Variants in STK24 observed in about 807,000 individuals in gnomAD.
STK24 encodes serine/threonine-protein kinase 24.
STK24 carries 21 observed loss-of-function variants against 55.6 expected under a neutral mutation model. The observed-to-expected ratio is 0.38, with a 90% CI of 0.27 to 0.54. The LOEUF is 0.54. Ranked by LOEUF, STK24 falls within the 20% of genes least tolerant of loss-of-function variation. The pLI is 0.79. For synonymous variants in STK24, 200 were observed against 215.2 expected (o/e 0.93, Z 0.62); for missense variants, 383 against 538.4 (o/e 0.71, Z 2.86).
At chr13:98,457,437 G>C (rs1893512043) in intron 9 of STK24, 133 bp from the exon 10 acceptor site, 1 of 1,251,454 alleles carries the variant, frequency 8.0e-7, no homozygotes. Flanking sequence ...GAAAAGCTTT[G>C]GCTAGGGCTC....
chr13:98,530,164 T>C (rs929333224), intron 1 of STK24, among the ~76,000 whole-genome samples: 16 of 152,180 alleles, frequency 1.1e-4, no homozygotes, highest in Non-Finnish European at 1.5e-5. Context: ...TGACAGTTTC[T>C]GTCTGTGGCC....
chr13:98,461,553 T>C (rs149117947), intron 8 of STK24, among the ~76,000 whole-genome samples: 4 of 152,218 alleles, frequency 2.6e-5, no homozygotes, highest in African/African-American at 4.8e-5. Context: ...GAGAGCAGAA[T>C]AGAGTGGCAC....
Position 98,446,407 on chromosome 13 carries a change from T to C in STK24, c.*6766A>G. On this transcript the variant is annotated 3_prime_UTR_variant, in exon 11 of 11. Transcript: ENST00000539966. Reference sequence around the variant, plus strand: ...ACATTATCATCCACTGAAGGACAACTTCTGCCCTAGGAAGGGCCACCTGTC... The same window carrying C: ...ACATTATCATCCACTGAAGGACAACCTCTGCCCTAGGAAGGGCCACCTGTC... 1.7e-6 allele frequency: 1 copy of C among 601,580 alleles called. No homozygotes were observed. The allele number at this position is 601,580 out of a possible 1,614,324, so 37.3% of individuals were successfully genotyped here. A position where few individuals can be genotyped will look rare whatever the true frequency, so the allele number is the denominator to read the frequency against.
chr13:98,555,279 AC>A (rs1408650596), intron 1 of STK24, among the ~76,000 whole-genome samples: 1 of 152,020 alleles, frequency 6.6e-6, no homozygotes, highest in Non-Finnish European at 1.5e-5. Context: ...TTGTTGGATA[AC>A]CATGTTTAAA....
chr13:98,466,698 T>TATTAAATATTAAA (rs1419927131), intron 5 of STK24, 137 bp from the exon 6 acceptor site: 2 of 967,694 alleles, frequency 2.1e-6, no homozygotes, highest in Non-Finnish European at 2.9e-6. Flanking sequence ...TTTAAAAACA[T>TATTAAATATTAAA]AAGCCCTCGC....
intron 2 of STK24, among the ~76,000 whole-genome samples, chr13:98,488,042 T>C (rs1487445837): frequency 4.6e-5 from 7 of 152,100 alleles, no homozygotes; most frequent in Admixed American, 3.9e-4. Flanking sequence ...GATTCACATG[T>C]TGGAGTCCCA....
At chr13:98,453,937 C>CT in intron 10 of STK24, 1 of 152,300 alleles carries the variant, frequency 6.6e-6, no homozygotes, top group Middle Eastern at 3.4e-3. Context: ...CCGCATTATA[C>CT]TTACCAGTGT....
rs1396707133 is a variant in STK24 at position 98,449,135 on chromosome 13, CGT to C, written c.*4036_*4037del. ...TGTCTGTGTCACAAGCATGAAAACC[CGT>C]GTGTCATTGATCAGCACCATTTGTG... On this transcript the variant is annotated 3_prime_UTR_variant, in exon 11 of 11. Transcript: ENST00000539966. 1 of 152,174 alleles carries C rather than the reference CGT, an allele frequency of 6.6e-6. No homozygotes were observed. The highest frequency in any genetic ancestry group is 1.5e-5 in the Non-Finnish European group (1 of 68,050). The allele number at this position is 152,174 out of a possible 1,614,324, so 9.4% of individuals were successfully genotyped here.
intron 1 of STK24, among the ~76,000 whole-genome samples, chr13:98,561,450 C>T (rs895189115): frequency 6.6e-6 from 1 of 151,918 alleles, no homozygotes; most frequent in Non-Finnish European, 1.5e-5. Flanking sequence ...GGTCGTGAGG[C>T]ACACACCTGT....
At chr13:98,462,705 C>T (rs1435509748) in intron 7 of STK24, among the ~76,000 whole-genome samples, 1 of 152,170 alleles carries the variant, frequency 6.6e-6, no homozygotes, top group Non-Finnish European at 1.5e-5. Context: ...AGCTTTCTCA[C>T]CTGAACTCCA....
At chr13:98,497,316 C>T (rs570248753) in intron 2 of STK24, among the ~76,000 whole-genome samples, 34 of 152,268 alleles carry the variant, frequency 2.2e-4, no homozygotes, top group African/African-American at 7.0e-4. Context: ...GGACTAACCA[C>T]GTATGTTAGG....
chr13:98,514,124 T>A (rs544007574), intron 2 of STK24, among the ~76,000 whole-genome samples: 1 of 151,696 alleles, frequency 6.6e-6, no homozygotes, highest in African/African-American at 2.4e-5. Flanking sequence ...CAGATAGGCA[T>A]AGTAAGTAGG....
intron 1 of STK24, among the ~76,000 whole-genome samples, chr13:98,540,763 CAAAAA>C (rs35957882): frequency 1.4e-4 from 8 of 58,866 alleles, no homozygotes; most frequent in African/African-American, 5.1e-4. Context: ...ATATTAAAAG[CAAAAA>C]AAAAAAAAAA....
intron 10 of STK24, chr13:98,453,819 T>C (rs1007756426): frequency 5.9e-5 from 5 of 84,424 alleles, no homozygotes; most frequent in African/African-American, 2.0e-4. Flanking sequence ...TATTTACATA[T>C]ATATATTAAA....
chr13:98,532,216 C>A (rs1197504672), intron 1 of STK24, among the ~76,000 whole-genome samples: 2 of 152,106 alleles, frequency 1.3e-5, no homozygotes, highest in African/African-American at 4.8e-5. Context: ...TCACACTCAC[C>A]TTTCTACACC....
At chr13:98,511,113 C>T (rs1184693291) in intron 2 of STK24, among the ~76,000 whole-genome samples, 6 of 152,218 alleles carry the variant, frequency 3.9e-5, no homozygotes, top group Admixed American at 3.9e-4. Context: ...ATCCTCCCAC[C>T]TCGGCTTTCC....
intron 1 of STK24, among the ~76,000 whole-genome samples, chr13:98,565,189 A>T (rs1239380634): frequency 1.3e-5 from 2 of 152,068 alleles, no homozygotes; most frequent in African/African-American, 2.4e-5. Context: ...TCAAAGTGTC[A>T]TCCTCGAGGC....
In STK24 at chr13:98,536,911, C is replaced by T. The variant is rs1006255004; in HGVS notation, c.43-17438G>A. ...CCAGCCACACTCCTCCGCCTGTCCTCCAGTCGCCCAGTGAAAGGGAGGGGG... is the reference window on the plus strand; with the variant it reads ...CCAGCCACACTCCTCCGCCTGTCCTTCAGTCGCCCAGTGAAAGGGAGGGGG... On this transcript the variant is annotated intron_variant, in intron 1 of 10. Transcript: ENST00000539966. 7.2e-5 allele frequency among the ~76,000 whole-genome samples: 11 copies of T among 152,266 alleles called. No homozygotes were observed. In the Middle Eastern group the frequency reaches 0.01, roughly 141 times the overall value.
chr13:98,569,424 A>C lies in STK24; in HGVS notation c.42+7321T>G, dbSNP rs75471937. On this transcript the variant is annotated intron_variant, in intron 1 of 10. Transcript: ENST00000539966. ...AATGACAGCAGAGACAAAAAAAAAA[A>C]AACAAAAAAAAACAAAACAGATATT... Among the ~76,000 whole-genome samples the C allele has an allele frequency of 1.3e-3, 183 of 144,702 alleles. 2 individuals carry two copies. The highest frequency in any genetic ancestry group is 1.5e-3 in the Non-Finnish European group (95 of 65,310). The allele number at this position is 144,702 out of a possible 152,430, so 94.9% of individuals were successfully genotyped here.
Sources: gnomAD v4.1 joint callset for allele counts (sites outside exome capture counted in the v4.1 genomes callset) on GRCh38, gnomAD v4.1.1 for gene constraint, MANE v1.5 for transcripts, NCBI Gene and HGNC (gene_info 2026-07-23, HGNC 2026-07-21) for gene names.